CR1L: variants seen among roughly 807,000 people sequenced by gnomAD.
CR1L encodes the protein complement component receptor 1-like protein.
Under a neutral mutation model 62.3 loss-of-function variants are expected in CR1L, and 59 were observed. The observed-to-expected ratio is 0.95, with a 90% CI of 0.77 to 1.18. CR1L has a LOEUF of 1.18. CR1L is among the 50% of genes most tolerant of loss of function. The pLI, the probability that CR1L is intolerant of heterozygous loss-of-function variation, is 0.00. For synonymous variants in CR1L, 279 were observed against 248.7 expected, an observed-to-expected ratio of 1.12 and a Z score of -1.15; for missense variants, 700 against 702.8, an observed-to-expected ratio of 1.00 and a Z score of 0.04.
At chr1:207,710,858 T>A in intron 10 of CR1L, 2 of 1,357,876 alleles carry the variant, frequency 1.5e-6, no homozygotes, top group Non-Finnish European at 2.1e-6. Flanking sequence ...TGAGTATTTG[T>A]TTAGGGGGAG....
chr1:207,679,761 C>T (rs1162384853), intron 3 of CR1L, among the ~76,000 whole-genome samples: 2 of 151,966 alleles, frequency 1.3e-5, no homozygotes, highest in African/African-American at 2.4e-5. Flanking sequence ...TTATTCAATA[C>T]CAAAAAGAAA....
At chr1:207,691,688 A>T (rs181428492) in intron 4 of CR1L, among the ~76,000 whole-genome samples, 88 of 152,222 alleles carry the variant, frequency 5.8e-4, no homozygotes, top group Middle Eastern at 3.4e-3. Flanking sequence ...TACTCTAGAG[A>T]CAGACATCCT....
At chr1:207,671,321 T>G (rs777470788) in intron 1 of CR1L, among the ~76,000 whole-genome samples, 1 of 150,956 alleles carries the variant, frequency 6.6e-6, no homozygotes, top group Non-Finnish European at 1.5e-5. Context: ...TCAACTCCTA[T>G]GATCAGGAAA....
intron 1 of CR1L, among the ~76,000 whole-genome samples, chr1:207,649,307 G>T (rs1291435532): frequency 6.6e-6 from 1 of 152,188 alleles, no homozygotes; most frequent in East Asian, 1.9e-4. Context: ...CAGTGTGGCA[G>T]AGTAGGGTAA....
Position 207,694,405 on chromosome 1 carries a change from C to T in CR1L, c.516C>T (p.Ile172=). The change falls in exon 5 of 12, where the codon ATC becomes ATT. Residue 172 remains isoleucine, a synonymous_variant. Coordinates refer to ENST00000508064, the MANE Select transcript of CR1L (RefSeq NM_175710.2). ...TCGCCAATGGAGATTTCACTAGCATCAGCAGAGAGTATTTTCACTATGGAT... is the reference window on the plus strand; with the variant it reads ...TCGCCAATGGAGATTTCACTAGCATTAGCAGAGAGTATTTTCACTATGGAT... ...PTIANGDFTS[I]SREYFHYGSV... 1 of 1,613,982 alleles carries T rather than the reference C, an allele frequency of 6.2e-7. No individual in the cohort carries two copies. The highest frequency in any genetic ancestry group is 8.5e-7 in the Non-Finnish European group (1 of 1,179,874).
chr1:207,680,174 T>C (rs562020631), intron 3 of CR1L, among the ~76,000 whole-genome samples: 1 of 152,342 alleles, frequency 6.6e-6, no homozygotes, highest in South Asian at 2.1e-4. Flanking sequence ...TGGTGAAAGA[T>C]GTTTATAATA....
rs113439126 is a variant in CR1L, at chr1:207,712,095, C to T, written c.1414+3832C>T. Among the ~76,000 whole-genome samples the T allele has an allele frequency of 1.4e-3, 211 of 152,308 alleles. 1 individual carries two copies. The highest frequency in any genetic ancestry group is 2.2e-3 in the Non-Finnish European group (148 of 68,038). On this transcript the variant is annotated intron_variant, in intron 10 of 11. Coordinates refer to ENST00000508064, the MANE Select transcript of CR1L (RefSeq NM_175710.2). ...CGCTGTCTAGCACCACTGGCTCATC[C>T]GTGAATTCTGTCCTGAGTGAGGCAA...
At chr1:207,703,262 C>A (rs2102473898) in intron 9 of CR1L, among the ~76,000 whole-genome samples, 1 of 152,298 alleles carries the variant, frequency 6.6e-6, no homozygotes, top group Non-Finnish European at 1.5e-5. Flanking sequence ...AAGCCAATGC[C>A]TGGGTTCAAA....
At position 207,660,855 on chromosome 1, in the gene CR1L, T is replaced by C. The variant is rs555381945; in HGVS notation, c.97+15525T>C. On this transcript the variant is annotated intron_variant, in intron 1 of 11. Transcript: ENST00000508064. ...TTCTGGTATGTTGTGTTTTTGTTCT[T>C]GTTGGTTTCAAAGAACATCTTTATT... is the stretch of plus-strand genomic sequence containing the variant. Among the ~76,000 whole-genome samples the C allele has an allele frequency of 1.3e-4, 20 of 152,340 alleles. 1 individual carries two copies. Among genetic ancestry groups the C allele is most frequent in the Middle Eastern group, 6.8e-3 (2 of 294 alleles).
At position 207,670,525 on chromosome 1, in the gene CR1L, A is replaced by T. The variant is rs1370959308; in HGVS notation, c.98-6864A>T. Among the ~76,000 whole-genome samples the T allele has an allele frequency of 2.0e-5, 3 of 150,730 alleles. 1 individual carries two copies. Among genetic ancestry groups the T allele is most frequent in the African/African-American group, 7.5e-5 (3 of 40,132 alleles). On this transcript the variant is annotated intron_variant, in intron 1 of 11. Coordinates refer to ENST00000508064, the MANE Select transcript of CR1L (RefSeq NM_175710.2). ...CCCAGAAGTCTTCTTGGTTGCCTAG[A>T]CTCACTGGCAACATCTCACTTGAAG...
Position 207,648,793 on chromosome 1 carries a change from C to G in CR1L, c.97+3463C>G, listed in dbSNP as rs183172598. ...CATACTACAATGCAAAAAGAGCAGTCCATATCTGGTCACCTGCCAGGATAC... is the reference window on the plus strand; with the variant it reads ...CATACTACAATGCAAAAAGAGCAGTGCATATCTGGTCACCTGCCAGGATAC... On this transcript the variant is annotated intron_variant, in intron 1 of 11. Coordinates refer to ENST00000508064, the MANE Select transcript of CR1L (RefSeq NM_175710.2). Among the ~76,000 whole-genome samples the G allele has an allele frequency of 2.6e-5, 4 of 152,318 alleles. No individual in the cohort carries two copies. The East Asian group carries it at 7.7e-4, about 29-fold the overall frequency.
At position 207,702,619 on chromosome 1, in the gene CR1L, T is replaced by A. The variant is rs558564635; in HGVS notation, c.1328+1001T>A. Among the ~76,000 whole-genome samples, 21 of 152,344 alleles carry A rather than the reference T, an allele frequency of 1.4e-4. No homozygotes were observed. In the South Asian group the frequency reaches 4.3e-3, roughly 32 times the overall value. ...TTAAAGTGCTATTCCAGTGAACACA[T>A]GAATGATAAGAAGGTGAAACAGCCT... On this transcript the variant is annotated intron_variant, in intron 9 of 11. Transcript: ENST00000508064.
chr1:207,666,775 A>G (rs988438831), intron 1 of CR1L, among the ~76,000 whole-genome samples: 3 of 152,196 alleles, frequency 2.0e-5, no homozygotes, highest in Non-Finnish European at 1.5e-5. Flanking sequence ...TTGGGTGGTG[A>G]AATAATCTGT....
At chr1:207,655,632 T>C (rs1266978072) in intron 1 of CR1L, among the ~76,000 whole-genome samples, 3 of 152,016 alleles carry the variant, frequency 2.0e-5, no homozygotes, top group Non-Finnish European at 4.4e-5. Context: ...GAGACGTGGT[T>C]TTGCCATGAT....
At position 207,708,901 on chromosome 1, in the gene CR1L, C is replaced by G. The variant is rs1664310573; in HGVS notation, c.1414+638C>G. Reference sequence around the variant, plus strand: ...GGCAATATACTGGCTGGGCACTGCCCTACAGTAGAGTAGGACACAGTATTC... The same window carrying G: ...GGCAATATACTGGCTGGGCACTGCCGTACAGTAGAGTAGGACACAGTATTC... On this transcript the variant is annotated intron_variant, in intron 10 of 11. Transcript: ENST00000508064. 1.0e-5 allele frequency: 4 copies of G among 395,736 alleles called. No individual in the cohort carries two copies. The Admixed American group carries it at 1.1e-4, about 11-fold the overall frequency. 24.5% of individuals were successfully genotyped at this position (395,736 alleles called of 1,614,324 possible).
At chr1:207,695,938 T>A (rs1226112198) in intron 5 of CR1L, among the ~76,000 whole-genome samples, 2 of 152,168 alleles carry the variant, frequency 1.3e-5, no homozygotes, top group Non-Finnish European at 2.9e-5. Flanking sequence ...ACTAGGCTCC[T>A]CCTCCAACAC....
At chr1:207,645,795 G>C (rs942741790) in intron 1 of CR1L, among the ~76,000 whole-genome samples, 4 of 152,186 alleles carry the variant, frequency 2.6e-5, no homozygotes, top group African/African-American at 7.2e-5. Flanking sequence ...CCCGCGGTAA[G>C]GGTTGCAGTG....
At chr1:207,719,120 AG>A (rs1055801167) in intron 11 of CR1L, among the ~76,000 whole-genome samples, 6 of 68,804 alleles carry the variant, frequency 8.7e-5, no homozygotes, top group Non-Finnish European at 1.6e-4. Flanking sequence ...GGGTCGGGGG[AG>A]GGGGGAGGGA....
At chr1:207,685,552 A>G (rs1358161325) in intron 4 of CR1L, among the ~76,000 whole-genome samples, 1 of 152,174 alleles carries the variant, frequency 6.6e-6, no homozygotes, top group East Asian at 1.9e-4. Flanking sequence ...TTGCTGTTTC[A>G]GTTCTAATAG....
Sources: allele counts gnomAD v4.1 joint callset (sites outside exome capture counted in the v4.1 genomes callset), GRCh38; gene constraint gnomAD v4.1.1; transcripts MANE v1.5; gene names NCBI Gene and HGNC (gene_info 2026-07-23, HGNC 2026-07-21).